COL28A1: variants seen among roughly 807,000 people sequenced by gnomAD.
COL28A1 encodes the protein collagen type XXVIII alpha 1 chain.
A neutral mutation model predicts 150.2 loss-of-function variants in COL28A1; 161 were observed. The observed-to-expected ratio is 1.07, with a 90% CI of 0.94 to 1.22. The LOEUF is 1.22. Among genes scored for constraint, COL28A1 ranks in the 50% most tolerant of loss-of-function variants. COL28A1 has a pLI of 0.00. For synonymous variants in COL28A1, 552 were observed against 469.7 expected (o/e 1.18, Z -2.26); for missense variants, 1,617 against 1,388.3 (o/e 1.16, Z -2.62).
chr7:7,449,768 A>T (rs921864735), intron 18 of COL28A1, among the ~76,000 whole-genome samples: 5 of 152,098 alleles, frequency 3.3e-5, no homozygotes, highest in African/African-American at 1.2e-4. Context: ...AATTATAAAA[A>T]TTTCTTCAAG....
chr7:7,374,381 T>C (rs1781433941), intron 31 of COL28A1, among the ~76,000 whole-genome samples: 1 of 152,246 alleles, frequency 6.6e-6, no homozygotes, highest in East Asian at 1.9e-4. Flanking sequence ...GATTGGGACC[T>C]TAAATGTACA....
At chr7:7,363,060 A>G (rs1003306649) in intron 33 of COL28A1, among the ~76,000 whole-genome samples, 1 of 152,132 alleles carries the variant, frequency 6.6e-6, no homozygotes, top group African/African-American at 2.4e-5. Context: ...AACCTTCAGG[A>G]AAAAAAGTAC....
At chr7:7,381,865 T>C (rs1272225679) in intron 27 of COL28A1, among the ~76,000 whole-genome samples, 1 of 152,218 alleles carries the variant, frequency 6.6e-6, no homozygotes, top group Non-Finnish European at 1.5e-5. Context: ...ATTTGCCTAT[T>C]TCTGTGGTGT....
intron 6 of COL28A1, among the ~76,000 whole-genome samples, chr7:7,519,271 A>G (rs2214842): frequency 0.31 from 46,153 of 150,388 alleles, 7,428 homozygotes; most frequent in African/African-American, 0.39. Context: ...TGACTTACTC[A>G]CTATCACAAG....
At position 7,433,378 on chromosome 7, in the gene COL28A1, G is replaced by A. The variant is rs184585486; in HGVS notation, c.1861-678C>T. ...TGGCCGGGTGCGGTGGCTCACGCCT[G>A]TAATCCCAGCACTTTGGGAAGCTGA... On this transcript the variant is annotated intron_variant, in intron 23 of 34. Transcript: ENST00000399429. Among the ~76,000 whole-genome samples, 16 of 152,298 alleles carry A rather than the reference G, an allele frequency of 1.1e-4. No homozygotes were observed. The East Asian group carries it at 2.9e-3, about 28-fold the overall frequency.
At chr7:7,434,486 G>A (rs375870281) in intron 23 of COL28A1, among the ~76,000 whole-genome samples, 8 of 152,208 alleles carry the variant, frequency 5.3e-5, no homozygotes, top group African/African-American at 1.7e-4. Context: ...ACAGCTCCCC[G>A]GTTGAATTAA....
chr7:7,452,333 C>G lies in COL28A1; in HGVS notation c.1495G>C (p.Val499Leu). 6.2e-7 allele frequency: 1 copy of G among 1,605,556 alleles called. No individual in the cohort carries two copies. Among genetic ancestry groups the G allele is most frequent in the Non-Finnish European group, 8.5e-7 (1 of 1,178,136 alleles). Residue 499 changes from valine to leucine, a missense_variant, in exon 18 of 35, where the codon GTA (valine) becomes CTA (leucine). Physicochemically the swap from Val to Leu is conservative, Grantham distance 32. Transcript: ENST00000399429. ...TGPRGPVGIG[V>L]QGPKGEPGSI... is the part of the protein sequence containing the mutation. ...AGTCAACTCACCTTTGGACCTTGTACTCCAATTCCCACTGGTCCTCGAGGG... is the reference window on the plus strand; with the variant it reads ...AGTCAACTCACCTTTGGACCTTGTAGTCCAATTCCCACTGGTCCTCGAGGG...
chr7:7,363,185 A>G (rs1780758720), intron 33 of COL28A1, among the ~76,000 whole-genome samples: 1 of 152,228 alleles, frequency 6.6e-6, no homozygotes, highest in South Asian at 2.1e-4. Context: ...TATACGGTCT[A>G]GAAGGTGAGA....
intron 27 of COL28A1, among the ~76,000 whole-genome samples, chr7:7,385,266 G>A (rs1383796492): frequency 1.3e-5 from 2 of 152,210 alleles, no homozygotes; most frequent in African/African-American, 2.4e-5. Context: ...CCTGGTAGAA[G>A]GTTTGGGTTG....
intron 27 of COL28A1, among the ~76,000 whole-genome samples, chr7:7,402,373 T>A (rs190597122): frequency 6.6e-6 from 1 of 152,358 alleles, no homozygotes; most frequent in Non-Finnish European, 1.5e-5. Flanking sequence ...GTGTGTGGTA[T>A]ATGGATTCAA....
chr7:7,453,791 G>C (rs1786907397), intron 16 of COL28A1, among the ~76,000 whole-genome samples: 1 of 148,150 alleles, frequency 6.7e-6, no homozygotes, highest in African/African-American at 2.7e-5. Flanking sequence ...CTAGCCAATG[G>C]GATAGGAATG....
In COL28A1 at chr7:7,360,387, T is replaced by G. The variant is rs768175524; in HGVS notation, c.3205+3A>C. 5.2e-6 allele frequency: 8 copies of G among 1,549,226 alleles called. No homozygotes were observed. Among genetic ancestry groups the G allele is most frequent in the Non-Finnish European group, 6.9e-6 (8 of 1,155,656 alleles). On this transcript the variant is annotated splice_donor_region_variant and intron_variant, in intron 34 of 34. Transcript: ENST00000399429. ...ATGGGACTTGGAGTTCTGGTTTACCTACCCTCTGCCCCATCCACAGGGGTG... is the reference window on the plus strand; with the variant it reads ...ATGGGACTTGGAGTTCTGGTTTACCGACCCTCTGCCCCATCCACAGGGGTG...
intron 27 of COL28A1, among the ~76,000 whole-genome samples, chr7:7,382,784 AC>A: frequency 6.6e-6 from 1 of 152,226 alleles, no homozygotes; most frequent in East Asian, 1.9e-4. Context: ...CCAACCTCAA[AC>A]CAACTAAATG....
At chr7:7,421,866 G>A (rs528801439) in intron 25 of COL28A1, among the ~76,000 whole-genome samples, 4 of 151,996 alleles carry the variant, frequency 2.6e-5, no homozygotes, top group African/African-American at 7.3e-5. Context: ...CTAAGGCTAC[G>A]GGTGCTAATT....
At chr7:7,465,695 A>AATT (rs1450091475) in intron 15 of COL28A1, among the ~76,000 whole-genome samples, 1 of 58,620 alleles carries the variant, frequency 1.7e-5, no homozygotes, top group African/African-American at 7.4e-5. Flanking sequence ...CTGCAGACTT[A>AATT]AGTGTCCCTG....
At chr7:7,414,325 G>A (rs1783948496) in intron 27 of COL28A1, among the ~76,000 whole-genome samples, 1 of 152,200 alleles carries the variant, frequency 6.6e-6, no homozygotes, top group African/African-American at 2.4e-5. Context: ...TTCCTGGCCT[G>A]TGACATGAAC....
Position 7,490,609 on chromosome 7 carries a change from C to A in COL28A1, c.1064G>T (p.Gly355Val). 1 of 1,409,578 alleles carries A rather than the reference C, an allele frequency of 7.1e-7. No homozygotes were observed. The highest frequency in any genetic ancestry group is 1.2e-5 in the South Asian group (1 of 86,148). 87.3% of individuals were successfully genotyped at this position (1,409,578 alleles called of 1,614,324 possible). ...PGPPGPYGSP[G>V]APGIGQQGIK... ...ACCTTGCTGTCCAATTCCAGGAGCT[C>A]CTGGAGAACCATAAGGACCAGGAGG... The change falls in exon 12 of 35, where the codon GGA (glycine) becomes GTA (valine). Residue 355 changes from glycine (G) to valine (V), a missense_variant. Physicochemically the swap from Gly to Val is moderately radical, Grantham distance 109. Coordinates refer to ENST00000399429, the MANE Select transcript of COL28A1 (RefSeq NM_001037763.3).
intron 25 of COL28A1, among the ~76,000 whole-genome samples, chr7:7,425,482 A>G (rs766737735): frequency 1.8e-4 from 28 of 152,186 alleles, no homozygotes; most frequent in Non-Finnish European, 2.9e-4. Flanking sequence ...CGACCTGCAC[A>G]AGAATCCAGC....
At chr7:7,439,218 G>T (rs1009588028) in intron 21 of COL28A1, among the ~76,000 whole-genome samples, 1 of 152,092 alleles carries the variant, frequency 6.6e-6, no homozygotes, top group Non-Finnish European at 1.5e-5. Context: ...GAAGCCTCCC[G>T]CTGTATTGAT....
Sources: allele counts gnomAD v4.1 joint callset (sites outside exome capture counted in the v4.1 genomes callset), GRCh38; gene constraint gnomAD v4.1.1; transcripts MANE v1.5; gene names NCBI Gene and HGNC (gene_info 2026-07-23, HGNC 2026-07-21).